SDK1: variants seen among roughly 807,000 people sequenced by gnomAD.
SDK1 encodes the protein sidekick cell adhesion molecule 1, also known as protein sidekick-1.
Under a neutral mutation model 245.5 loss-of-function variants are expected in SDK1, and 157 were observed. The observed-to-expected ratio is 0.64, with a 90% confidence interval of 0.56 to 0.73. The LOEUF (loss-of-function observed/expected upper bound fraction) is 0.73. Among genes scored for constraint, SDK1 ranks in the 30% least tolerant of loss-of-function variants. SDK1 has a pLI of 0.00. For synonymous variants in SDK1, 1,647 were observed against 1,278.5 expected (o/e 1.29, Z -6.15); for missense variants, 3,583 against 3,002.3 (o/e 1.19, Z -4.52).
At chr7:3,579,798 G>C (rs1410904962) in intron 1 of SDK1, among the ~76,000 whole-genome samples, 1 of 152,182 alleles carries the variant, frequency 6.6e-6, no homozygotes, top group Non-Finnish European at 1.5e-5. Flanking sequence ...CATCCAAAGA[G>C]AGAGGAAGTC....
At chr7:3,689,324 C>G (rs1057298061) in intron 4 of SDK1, among the ~76,000 whole-genome samples, 10 of 152,210 alleles carry the variant, frequency 6.6e-5, no homozygotes, top group Non-Finnish European at 1.3e-4. Flanking sequence ...TCCCTCCTCC[C>G]TGTTCCTGTT....
At chr7:3,775,702 G>T (rs1040472337) in intron 4 of SDK1, among the ~76,000 whole-genome samples, 2 of 151,094 alleles carry the variant, frequency 1.3e-5, no homozygotes, top group African/African-American at 4.9e-5. Context: ...TCAGCCTCCC[G>T]AGTAGCTGGG....
rs1328630769 is a variant in SDK1, at chr7:4,221,302, G to A, written c.5765G>A (p.Trp1922Ter). ...TKSASELTLQ[W>*]TEGHSGDTPT... is the part of the protein sequence containing the mutation. ...TCCGCCTCTGAACTGACGCTGCAGT[G>A]GACTGAGGGACACTCTGGCGACACA... Residue 1922 changes from tryptophan (W) to a stop codon, truncating the protein, a stop_gained, in exon 40 of 45, where the codon TGG becomes TAG. Transcript: ENST00000404826. LOFTEE classifies it high-confidence loss of function. The A allele has an allele frequency of 6.2e-7, 1 of 1,613,814 alleles. No individual in the cohort carries two copies. Among genetic ancestry groups the A allele is most frequent in the Non-Finnish European group, 8.5e-7 (1 of 1,179,992 alleles).
intron 5 of SDK1, among the ~76,000 whole-genome samples, chr7:3,856,367 G>A (rs1176882878): frequency 6.6e-6 from 1 of 151,198 alleles, no homozygotes; most frequent in Non-Finnish European, 1.5e-5. Context: ...CAAAATAAGT[G>A]CATAAAATAT....
Position 4,067,840 on chromosome 7 carries a change from C to A in SDK1, c.2914C>A (p.Pro972Thr). Residue 972 changes from proline to threonine, a missense_variant and splice_region_variant, in exon 20 of 45, where the codon CCA becomes ACA. Physicochemically the swap from Pro to Thr is conservative, Grantham distance 38. Transcript: ENST00000404826. ...PQLVWTQEDK[P>T]GAVGHLSFTE... ...ATGACTTTGCTTTTAATTGGTAGAACCAGGAGCTGTGGGACATCTGAGTTT... is the reference window on the plus strand; with the variant it reads ...ATGACTTTGCTTTTAATTGGTAGAAACAGGAGCTGTGGGACATCTGAGTTT... The A allele has an allele frequency of 1.2e-6, 2 of 1,611,414 alleles. No individual in the cohort carries two copies. Among genetic ancestry groups the A allele is most frequent in the Non-Finnish European group, 1.7e-6 (2 of 1,178,566 alleles).
chr7:3,494,334 C>G (rs1277589090), intron 1 of SDK1, among the ~76,000 whole-genome samples: 4 of 152,076 alleles, frequency 2.6e-5, no homozygotes, highest in African/African-American at 9.7e-5. Flanking sequence ...TACGGGTATC[C>G]TACCTGGAAC....
At chr7:3,482,159 T>G (rs574182932) in intron 1 of SDK1, among the ~76,000 whole-genome samples, 10 of 152,320 alleles carry the variant, frequency 6.6e-5, no homozygotes, top group Admixed American at 5.2e-4. Context: ...ACACATAGTT[T>G]TACAGTCTAT....
At chr7:4,098,903 G>A (rs1461456949) in intron 22 of SDK1, among the ~76,000 whole-genome samples, 2 of 140,452 alleles carry the variant, frequency 1.4e-5, no homozygotes, top group African/African-American at 2.7e-5. Flanking sequence ...AAATTCCTGA[G>A]CTCAAGCGAT....
chr7:3,303,269 G>C (rs183600246), intron 1 of SDK1, among the ~76,000 whole-genome samples: 80 of 152,280 alleles, frequency 5.3e-4, no homozygotes, highest in African/African-American at 1.8e-3. Flanking sequence ...AGAGCAACCA[G>C]GTTCAAGTGA....
chr7:3,993,081 A>G (rs929261982), intron 14 of SDK1, among the ~76,000 whole-genome samples: 5 of 152,244 alleles, frequency 3.3e-5, no homozygotes, highest in African/African-American at 4.8e-5. Context: ...TGTTGATTCT[A>G]TCGTTGCATT....
intron 9 of SDK1, among the ~76,000 whole-genome samples, chr7:3,965,608 G>A (rs1393468230): frequency 6.6e-6 from 1 of 152,180 alleles, no homozygotes; most frequent in Admixed American, 6.5e-5. Flanking sequence ...GGGCACTCTG[G>A]ATGAGGCTCT....
intron 14 of SDK1, among the ~76,000 whole-genome samples, chr7:3,990,775 A>G (rs1784242187): frequency 6.6e-6 from 1 of 152,234 alleles, no homozygotes; most frequent in Admixed American, 6.5e-5. Context: ...AATTACAGTC[A>G]TGGACCGTCT....
chr7:4,226,801 A>G (rs939428890), intron 40 of SDK1, among the ~76,000 whole-genome samples: 1 of 152,264 alleles, frequency 6.6e-6, no homozygotes, highest in African/African-American at 2.4e-5. Flanking sequence ...TACTGGGTAG[A>G]TCATGAAGCC....
At chr7:3,363,136 C>T (rs1158510229) in intron 1 of SDK1, among the ~76,000 whole-genome samples, 2 of 152,202 alleles carry the variant, frequency 1.3e-5, no homozygotes, top group Non-Finnish European at 2.9e-5. Context: ...CTGACCTCTC[C>T]TATCTCCTTC....
intron 5 of SDK1, among the ~76,000 whole-genome samples, chr7:3,831,830 C>T (rs528194759): frequency 1.3e-5 from 2 of 151,898 alleles, no homozygotes; most frequent in Non-Finnish European, 2.9e-5. Context: ...GAGCATTGCT[C>T]GAGCCCAGGA....
intron 5 of SDK1, among the ~76,000 whole-genome samples, chr7:3,937,726 G>C (rs141171006): frequency 6.6e-6 from 1 of 152,234 alleles, no homozygotes; most frequent in Non-Finnish European, 1.5e-5. Context: ...CTGCCCGCGC[G>C]TCCTGCAGGT....
At chr7:3,347,914 G>C (rs1358875156) in intron 1 of SDK1, among the ~76,000 whole-genome samples, 1 of 151,008 alleles carries the variant, frequency 6.6e-6, no homozygotes, top group East Asian at 1.9e-4. Flanking sequence ...TTCCTTTTGT[G>C]TAGTAAGTCT....
chr7:4,055,160 G>A (rs985635654), intron 19 of SDK1, among the ~76,000 whole-genome samples: 6 of 152,160 alleles, frequency 3.9e-5, no homozygotes, highest in Admixed American at 2.6e-4. Context: ...AAGAGATTGC[G>A]TAAAATTGGT....
chr7:3,499,532 C>T (rs1782129208), intron 1 of SDK1, among the ~76,000 whole-genome samples: 1 of 152,234 alleles, frequency 6.6e-6, no homozygotes, highest in East Asian at 1.9e-4. Flanking sequence ...CCGTCTCTCT[C>T]AGCCTCAGAG....
Sources: gnomAD v4.1 joint callset for allele counts (sites outside exome capture counted in the v4.1 genomes callset) on GRCh38, gnomAD v4.1.1 for gene constraint, MANE v1.5 for transcripts, NCBI Gene and HGNC (gene_info 2026-07-23, HGNC 2026-07-21) for gene names.